SEMA6D: variants seen among roughly 807,000 people sequenced by gnomAD.
SEMA6D encodes semaphorin-6D.
A neutral mutation model predicts 106.6 loss-of-function variants in SEMA6D; 35 were observed. The observed-to-expected ratio is 0.33, with a 90% CI of 0.25 to 0.44. The LOEUF (loss-of-function observed/expected upper bound fraction) is 0.44, where lower values mean the gene tolerates loss of function less well. SEMA6D is among the 20% of genes least tolerant of loss of function. The pLI is 1.00. For synonymous variants in SEMA6D, 499 were observed against 487.7 expected (o/e 1.02, Z -0.31); for missense variants, 1,185 against 1,345.9 (o/e 0.88, Z 1.87).
chr15:47,311,316 A>C (rs965998496), intron 1 of SEMA6D, among the ~76,000 whole-genome samples: 1 of 152,190 alleles, frequency 6.6e-6, no homozygotes, highest in Non-Finnish European at 1.5e-5. Context: ...GTTTTCTTTT[A>C]AGGATTCAGG....
chr15:47,482,102 G>A (rs2043169456), intron 3 of SEMA6D, among the ~76,000 whole-genome samples: 1 of 152,088 alleles, frequency 6.6e-6, no homozygotes. Context: ...AAATGATTAA[G>A]TCTCTAAGGA....
intron 1 of SEMA6D, among the ~76,000 whole-genome samples, chr15:47,386,340 G>A (rs1007657682): frequency 2.2e-4 from 34 of 152,156 alleles, no homozygotes; most frequent in African/African-American, 8.2e-4. Flanking sequence ...AAGCTAAGCA[G>A]AAGGAGACAT....
At chr15:47,755,930 G>A (rs2081700455) in intron 1 of SEMA6D, among the ~76,000 whole-genome samples, 1 of 151,586 alleles carries the variant, frequency 6.6e-6, no homozygotes, top group Non-Finnish European at 1.5e-5. Context: ...AAAATCAAAT[G>A]CTGAGTATGG....
rs1427412597 is a variant in SEMA6D, at chr15:47,494,761, T to G, written c.-87+24216T>G. Among the ~76,000 whole-genome samples, 28 of 84,166 alleles carry G rather than the reference T, an allele frequency of 3.3e-4. 1 individual carries two copies. The highest frequency in any genetic ancestry group is 1.5e-3 in the African/African-American group (26 of 17,568). The allele number at this position is 84,166 out of a possible 152,430, so 55.2% of individuals were successfully genotyped here. On this transcript the variant is annotated intron_variant, in intron 3 of 19. Coordinates refer to the SEMA6D transcript ENST00000558014. ...ATGGAGATATATATATATATATATA[T>G]ATATATATATATATATATATATATA...
chr15:47,224,477 T>C (rs1016385788), intron 1 of SEMA6D, among the ~76,000 whole-genome samples: 2 of 152,142 alleles, frequency 1.3e-5, no homozygotes, highest in Admixed American at 1.3e-4. Flanking sequence ...ATAAGTATTA[T>C]ACTATTCTTG....
intron 1 of SEMA6D, among the ~76,000 whole-genome samples, chr15:47,243,273 TCTC>T (rs2033017683): frequency 6.6e-6 from 1 of 152,036 alleles, no homozygotes; most frequent in East Asian, 1.9e-4. Context: ...ACTCTCAAAA[TCTC>T]CTTGCATCTC....
At chr15:47,376,713 G>A (rs2039461888) in intron 1 of SEMA6D, among the ~76,000 whole-genome samples, 2 of 152,354 alleles carry the variant, frequency 1.3e-5, no homozygotes, top group South Asian at 4.1e-4. Flanking sequence ...ACACGTTACT[G>A]TAGGGATGGC....
At chr15:47,507,834 A>C (rs1447134688) in intron 3 of SEMA6D, among the ~76,000 whole-genome samples, 1 of 152,208 alleles carries the variant, frequency 6.6e-6, no homozygotes. Context: ...CTATAAAGCC[A>C]TTTCGGGCCC....
At chr15:47,628,770 T>G (rs1189678315) in intron 4 of SEMA6D, among the ~76,000 whole-genome samples, 1 of 152,142 alleles carries the variant, frequency 6.6e-6, no homozygotes, top group African/African-American at 2.4e-5. Context: ...CTTTTCTTCT[T>G]TCATGGCTTG....
Position 47,774,035 on chromosome 15 carries a change from C to T in SEMA6D, c.*2250C>T, listed in dbSNP as rs942552001. On this transcript the variant is annotated 3_prime_UTR_variant, in exon 19 of 19. Coordinates refer to ENST00000536845, the MANE Select transcript of SEMA6D (RefSeq NM_001358351.3). ...TTATCCATTTGTGCAAAGGTAAACG[C>T]AGATTGTATCTTTTTTAATGGTACG... 6.6e-6 allele frequency: 1 copy of T among 152,592 alleles called. No homozygotes were observed. Among genetic ancestry groups the T allele is most frequent in the Non-Finnish European group, 1.5e-5 (1 of 68,040 alleles). The allele number at this position is 152,592 out of a possible 1,614,324, so 9.5% of individuals were successfully genotyped here.
At chr15:47,404,557 G>T (rs183418567) in intron 1 of SEMA6D, among the ~76,000 whole-genome samples, 1 of 152,194 alleles carries the variant, frequency 6.6e-6, no homozygotes, top group East Asian at 1.9e-4. Context: ...GACCTGATTG[G>T]ACCCTAACAT....
intron 1 of SEMA6D, among the ~76,000 whole-genome samples, chr15:47,362,968 G>A (rs1477597984): frequency 1.3e-5 from 2 of 152,074 alleles, no homozygotes; most frequent in African/African-American, 2.4e-5. Flanking sequence ...GACTTTTTTA[G>A]CAAACCTTCC....
intron 4 of SEMA6D, among the ~76,000 whole-genome samples, chr15:47,711,309 CAAAAAA>C (rs10672105): frequency 4.3e-4 from 42 of 97,782 alleles, no homozygotes; most frequent in African/African-American, 1.7e-3. Flanking sequence ...GACTCCGTCT[CAAAAAA>C]AAAAAAAAAA....
At chr15:47,721,938 G>T (rs1164062580) in intron 1 of SEMA6D, among the ~76,000 whole-genome samples, 1 of 152,052 alleles carries the variant, frequency 6.6e-6, no homozygotes, top group Non-Finnish European at 1.5e-5. Context: ...GAGCTACATG[G>T]AATCCATCCG....
chr15:47,493,900 G>T (rs1020961727), intron 3 of SEMA6D, among the ~76,000 whole-genome samples: 1 of 152,102 alleles, frequency 6.6e-6, no homozygotes, highest in Non-Finnish European at 1.5e-5. Context: ...AAACTGTTGG[G>T]AATGGAAGGT....
At chr15:47,590,441 G>T (rs951001374) in intron 3 of SEMA6D, among the ~76,000 whole-genome samples, 2 of 152,048 alleles carry the variant, frequency 1.3e-5, no homozygotes, top group Non-Finnish European at 2.9e-5. Context: ...ATGATGAGTT[G>T]ATGAGTGCAG....
chr15:47,464,073 C>A (rs952530493), intron 2 of SEMA6D, among the ~76,000 whole-genome samples: 2 of 152,114 alleles, frequency 1.3e-5, no homozygotes, highest in African/African-American at 4.8e-5. Flanking sequence ...TTTACTCATT[C>A]ACATATTTTG....
chr15:47,578,165 C>G (rs2076189961), intron 3 of SEMA6D, among the ~76,000 whole-genome samples: 1 of 152,180 alleles, frequency 6.6e-6, no homozygotes, highest in African/African-American at 2.4e-5. Flanking sequence ...AACAGGGATT[C>G]TCTGATTCCA....
intron 1 of SEMA6D, among the ~76,000 whole-genome samples, chr15:47,252,159 C>T (rs1277387443): frequency 1.4e-5 from 2 of 145,216 alleles, no homozygotes; most frequent in East Asian, 3.9e-4. Flanking sequence ...CCTCGTGATC[C>T]GCCCGCCTCG....
Sources: gnomAD v4.1 joint callset for allele counts (sites outside exome capture counted in the v4.1 genomes callset) on GRCh38, gnomAD v4.1.1 for gene constraint, MANE v1.5 for transcripts, NCBI Gene and HGNC (gene_info 2026-07-23, HGNC 2026-07-21) for gene names.